Variants in PRAG1 observed in about 807,000 individuals in gnomAD.
PRAG1 encodes the protein PEAK1 related, kinase-activating pseudokinase 1, also known as inactive tyrosine-protein kinase PRAG1.
PRAG1 carries 110 observed loss-of-function variants against 95.6 expected under a neutral mutation model. The ratio of observed to expected loss-of-function variants is 1.15; its 90% CI spans 0.99 to 1.35. The LOEUF is 1.35. PRAG1 is among the 40% of genes most tolerant of loss of function. PRAG1 has a pLI of 0.00. For synonymous variants in PRAG1, 1,052 were observed against 819.4 expected, an observed-to-expected ratio of 1.28 and a Z score of -4.85; for missense variants, 2,554 against 1,864.7, an observed-to-expected ratio of 1.37 and a Z score of -6.81.
intron 3 of PRAG1, among the ~76,000 whole-genome samples, chr8:8,341,740 G>C (rs1445177110): frequency 1.3e-5 from 2 of 152,118 alleles, no homozygotes; most frequent in Admixed American, 6.5e-5. Flanking sequence ...CTCATATTTA[G>C]TTTAAGATTT....
Position 8,376,912 on chromosome 8 carries a change from C to T in PRAG1, c.1497G>A (p.Val499=), listed in dbSNP as rs1352434266. 1.9e-6 allele frequency: 3 copies of T among 1,613,380 alleles called. No individual in the cohort carries two copies. The highest frequency in any genetic ancestry group is 2.2e-5 in the South Asian group (2 of 91,086). The change falls in exon 3 of 6, where the codon GTG becomes GTA. Residue 499 remains valine (V), a synonymous_variant. Coordinates refer to ENST00000615670, the MANE Select transcript of PRAG1 (RefSeq NM_001080826.3). ...YLSSPDSAVG[V]QWPRGPVSQN... is the part of the protein sequence containing the mutation. ...GGCTCACAGGCCCTCGTGGCCACTG[C>T]ACCCCCACTGCAGAGTCAGGGCTGC...
Position 8,319,221 on chromosome 8 carries a change from C to G in PRAG1, c.3154G>C (p.Gly1052Arg), listed in dbSNP as rs1300608551. Residue 1052 changes from glycine to arginine, a missense_variant, in exon 6 of 6, where the codon GGC becomes CGC. By Grantham distance (125) the Gly-to-Arg change is moderately radical (BLOSUM62 -2). Transcript: ENST00000615670. Reference protein sequence around the residue: ...PVHFNIQQDCGHFVASVPSSM... With the variant: ...PVHFNIQQDCRHFVASVPSSM... Reference sequence around the variant, plus strand: ...GACGGCACCGAGGCGACGAAGTGGCCGCAGTCCTGCTGGATGTTAAAGTGC... The same window carrying G: ...GACGGCACCGAGGCGACGAAGTGGCGGCAGTCCTGCTGGATGTTAAAGTGC... 1.3e-6 allele frequency: 2 copies of G among 1,576,428 alleles called. No individual in the cohort carries two copies. Among genetic ancestry groups the G allele is most frequent in the South Asian group, 2.3e-5 (2 of 85,996 alleles).
At position 8,378,026 on chromosome 8, in the gene PRAG1, G is replaced by A. The variant is rs778629121; in HGVS notation, c.383C>T (p.Ala128Val). The A allele has an allele frequency of 1.9e-6, 3 of 1,573,246 alleles. No homozygotes were observed. Among genetic ancestry groups the A allele is most frequent in the Non-Finnish European group, 2.6e-6 (3 of 1,158,182 alleles). ...GKLPLPKQED[A>V]PVVYLGSFRG... is the part of the protein sequence containing the mutation. The stretch of plus-strand genomic sequence containing the variant: ...GAAGCTGCCCAGGTAGACGACGGGG[G>A]CATCCTCCTGCTTCGGGAGGGGGAG... The change falls in exon 3 of 6, where the codon GCC becomes GTC. Residue 128 changes from alanine to valine, a missense_variant. Ala to Val is a moderately conservative substitution (Grantham distance 64). Coordinates refer to ENST00000615670, the MANE Select transcript of PRAG1 (RefSeq NM_001080826.3).
chr8:8,337,731 G>A (rs1485658736), intron 4 of PRAG1, among the ~76,000 whole-genome samples: 1 of 152,162 alleles, frequency 6.6e-6, no homozygotes, highest in African/African-American at 2.4e-5. Context: ...TTTAATTCAT[G>A]TTATTCAGAA....
chr8:8,324,605 G>T (rs1315265115), intron 5 of PRAG1, among the ~76,000 whole-genome samples: 2 of 152,122 alleles, frequency 1.3e-5, no homozygotes, highest in Admixed American at 6.5e-5. Flanking sequence ...TTCATTTTCA[G>T]GGGGCCCTGC....
At chr8:8,345,051 GTGT>G (rs1311524979) in intron 3 of PRAG1, among the ~76,000 whole-genome samples, 1 of 77,924 alleles carries the variant, frequency 1.3e-5, no homozygotes, top group Non-Finnish European at 2.7e-5. Flanking sequence ...CGCAGGGTGT[GTGT>G]GTGTGTGTGT....
chr8:8,336,073 G>T (rs1461211343), intron 4 of PRAG1, among the ~76,000 whole-genome samples: 1 of 152,094 alleles, frequency 6.6e-6, no homozygotes. Context: ...TCACTGCCCT[G>T]GTACATGTAT....
intron 3 of PRAG1, among the ~76,000 whole-genome samples, chr8:8,359,726 A>G (rs1432748474): frequency 1.3e-5 from 2 of 152,192 alleles, no homozygotes; most frequent in African/African-American, 4.8e-5. Flanking sequence ...TATTGGAGGA[A>G]TTCGTAGCTT....
chr8:8,377,388 G>C lies in PRAG1; in HGVS notation c.1021C>G (p.Leu341Val). ...CTGCCGCTGCCGCTGCCACAAGAGA[G>C]GCCGTCGGAAGAAATGGCAGCCTCC... Reference protein sequence around the residue: ...TSEAAISSDGLSCGSGSGSGS... With the variant: ...TSEAAISSDGVSCGSGSGSGS... Residue 341 changes from leucine to valine, a missense_variant, in exon 3 of 6, where the codon CTC becomes GTC. Leu to Val is a conservative substitution (Grantham distance 32). Transcript: ENST00000615670. The C allele has an allele frequency of 6.3e-7, 1 of 1,588,626 alleles. No homozygotes were observed. Among genetic ancestry groups the C allele is most frequent in the African/African-American group, 1.3e-5 (1 of 74,302 alleles).
At position 8,377,594 on chromosome 8, in the gene PRAG1, G is replaced by A. The variant is rs769785925; in HGVS notation, c.815C>T (p.Thr272Ile). 1.9e-6 allele frequency: 3 copies of A among 1,612,772 alleles called. No individual in the cohort carries two copies. The highest frequency in any genetic ancestry group is 2.7e-5 in the African/African-American group (2 of 74,928). ...GSPVAKAASQ[T>I]AGSRGRHGGR... ...ACCATGCCTGCCCCGGGAACCTGCA[G>A]TCTGGGAGGCAGCCTTGGCAACAGG... Residue 272 changes from threonine to isoleucine, a missense_variant, in exon 3 of 6, where the codon ACT becomes ATT. Transcript: ENST00000615670.
At chr8:8,320,147 T>C (rs1798428924) in intron 5 of PRAG1, among the ~76,000 whole-genome samples, 2 of 152,206 alleles carry the variant, frequency 1.3e-5, no homozygotes, top group African/African-American at 2.4e-5. Flanking sequence ...GTGCACAGTA[T>C]GGACAAATTC....
In PRAG1 at chr8:8,383,302, G is replaced by T. The variant is rs540473224; in HGVS notation, c.-87-1468C>A. On this transcript the variant is annotated intron_variant, in intron 1 of 5. Coordinates refer to ENST00000615670, the MANE Select transcript of PRAG1 (RefSeq NM_001080826.3). ...AAAATGGGTTGAGGCCAGGCGCGGTGGCTCACGCCTGTAATCCCAGCACTT... is the reference window on the plus strand; with the variant it reads ...AAAATGGGTTGAGGCCAGGCGCGGTTGCTCACGCCTGTAATCCCAGCACTT... 4.6e-5 allele frequency among the ~76,000 whole-genome samples: 7 copies of T among 152,326 alleles called. No homozygotes were observed. The South Asian group carries it at 6.2e-4, about 14-fold the overall frequency.
intron 3 of PRAG1, among the ~76,000 whole-genome samples, chr8:8,363,996 T>C (rs780244502): frequency 2.5e-4 from 38 of 152,316 alleles, no homozygotes; most frequent in Non-Finnish European, 4.4e-4. Context: ...CCTATTTCTC[T>C]AGAGATGAAT....
chr8:8,371,769 C>G (rs1346620832), intron 3 of PRAG1, among the ~76,000 whole-genome samples: 2 of 152,088 alleles, frequency 1.3e-5, no homozygotes, highest in African/African-American at 4.8e-5. Context: ...ACTCAGGAGG[C>G]TGGGGTGAGA....
Position 8,381,587 on chromosome 8 carries a change from A to G in PRAG1, c.161T>C (p.Leu54Pro). ...AGPPQPRAGSLPPPPRLPPRP... is the reference protein window; with the variant it reads ...AGPPQPRAGSPPPPPRLPPRP... ...GGGAGGCAGGCGCGGTGGAGGGGGCAGGCTGCCCGCTCTGGGCTGGGGAGG... is the reference window on the plus strand; with the variant it reads ...GGGAGGCAGGCGCGGTGGAGGGGGCGGGCTGCCCGCTCTGGGCTGGGGAGG... The change falls in exon 2 of 6, where the codon CTG becomes CCG. Residue 54 changes from leucine (L) to proline (P), a missense_variant. Physicochemically the swap from Leu to Pro is moderately conservative, Grantham distance 98. Transcript: ENST00000615670. The G allele has an allele frequency of 1.2e-6, 2 of 1,614,104 alleles. No individual in the cohort carries two copies. The highest frequency in any genetic ancestry group is 4.5e-5 in the East Asian group (2 of 44,876).
intron 3 of PRAG1, among the ~76,000 whole-genome samples, chr8:8,375,842 C>T (rs1162569803): frequency 6.6e-6 from 1 of 152,082 alleles, no homozygotes; most frequent in Non-Finnish European, 1.5e-5. Context: ...AATCTTGTAG[C>T]ATAACCTCCT....
rs775084266 is a variant in PRAG1 at position 8,377,861 on chromosome 8, G to C, written c.548C>G (p.Pro183Arg). ...RNIAFHPVSF[P>R]EEKAVHKEKP... ...TTCTTTGTGCACAGCCTTCTCCTCC[G>C]GGAAGCTCACCGGGTGGAAGGCAAT... Residue 183 changes from proline to arginine, a missense_variant, in exon 3 of 6, where the codon CCG becomes CGG. Transcript: ENST00000615670. 1.2e-6 allele frequency: 2 copies of C among 1,614,120 alleles called. No individual in the cohort carries two copies. Among genetic ancestry groups the C allele is most frequent in the South Asian group, 1.1e-5 (1 of 91,078 alleles).
intron 2 of PRAG1, among the ~76,000 whole-genome samples, chr8:8,380,212 T>C (rs752989987): frequency 6.6e-6 from 1 of 152,072 alleles, no homozygotes; most frequent in South Asian, 2.1e-4. Context: ...GAGGTGGAGA[T>C]TGCAGTTAGC....
chr8:8,370,048 T>A (rs1375595908), intron 3 of PRAG1, among the ~76,000 whole-genome samples: 3 of 152,242 alleles, frequency 2.0e-5, no homozygotes, highest in African/African-American at 7.2e-5. Flanking sequence ...AGATATCTGA[T>A]AAATTAAAGA....
Sources: allele counts gnomAD v4.1 joint callset (sites outside exome capture counted in the v4.1 genomes callset), GRCh38; gene constraint gnomAD v4.1.1; transcripts MANE v1.5; gene names NCBI Gene and HGNC (gene_info 2026-07-23, HGNC 2026-07-21).